Variants in SDC2 observed in about 807,000 individuals in gnomAD.
SDC2 encodes the protein syndecan 2.
SDC2 carries 13 observed loss-of-function variants against 22.2 expected under a neutral mutation model. The ratio of observed to expected loss-of-function variants is 0.59; its 90% CI spans 0.38 to 0.93. The LOEUF is 0.93. Ranked by LOEUF, SDC2 falls within the 40% of genes least tolerant of loss-of-function variation. The pLI is 0.00. For synonymous variants in SDC2, 94 were observed against 92.8 expected (o/e 1.01, Z -0.07); for missense variants, 235 against 246.8 (o/e 0.95, Z 0.32).
intron 1 of SDC2, chr8:96,580,450 C>G (rs934300720): frequency 1.0e-6 from 1 of 985,154 alleles, no homozygotes; most frequent in African/African-American, 1.7e-5. Flanking sequence ...TTGCTTGTTG[C>G]CACTGAGGGG....
At chr8:96,589,258 A>G (rs1269296781) in intron 1 of SDC2, among the ~76,000 whole-genome samples, 1 of 152,174 alleles carries the variant, frequency 6.6e-6, no homozygotes, top group Non-Finnish European at 1.5e-5. Flanking sequence ...TAGTGTCACC[A>G]GATCTCTTCT....
chr8:96,530,611 G>A (rs563308657), intron 1 of SDC2, among the ~76,000 whole-genome samples: 5 of 152,296 alleles, frequency 3.3e-5, no homozygotes, highest in African/African-American at 1.2e-4. Flanking sequence ...TCTGGCCTGG[G>A]AGACAGAGTA....
chr8:96,545,501 A>T (rs1003043085), intron 1 of SDC2, among the ~76,000 whole-genome samples: 25 of 152,288 alleles, frequency 1.6e-4, no homozygotes, highest in African/African-American at 5.5e-4. Context: ...GTTTAAGTGG[A>T]TGGAGAGGAG....
rs755574295 is a variant in SDC2 at position 96,593,520 on chromosome 8, A to G, written c.101A>G (p.Asn34Ser). ...LTSDKDMYLD[N>S]SSIEEASGVY... ...TCTGATAAAGACATGTACCTTGACA[A>G]CAGCTCCATTGAAGAAGCTTCAGGA... is the stretch of plus-strand genomic sequence containing the variant. Residue 34 changes from asparagine to serine, a missense_variant, in exon 2 of 5, where the codon AAC becomes AGC. Physicochemically the swap from Asn to Ser is conservative, Grantham distance 46 (BLOSUM62 1). Coordinates refer to ENST00000302190, the MANE Select transcript of SDC2 (RefSeq NM_002998.4). 2.5e-6 allele frequency: 4 copies of G among 1,614,082 alleles called. No homozygotes were observed. The highest frequency in any genetic ancestry group is 2.2e-5 in the South Asian group (2 of 91,088).
intron 1 of SDC2, among the ~76,000 whole-genome samples, chr8:96,532,630 C>T (rs983779435): frequency 6.6e-6 from 1 of 152,034 alleles, no homozygotes; most frequent in Admixed American, 6.5e-5. Context: ...GACAGCATGA[C>T]ACTTTTTCAG....
At chr8:96,600,755 G>T (rs1329335002) in intron 2 of SDC2, among the ~76,000 whole-genome samples, 1 of 152,222 alleles carries the variant, frequency 6.6e-6, no homozygotes, top group Admixed American at 6.5e-5. Context: ...AAGGTCACAG[G>T]AGGAGAAGAC....
At chr8:96,594,470 T>G (rs1311271300) in intron 2 of SDC2, among the ~76,000 whole-genome samples, 2 of 152,174 alleles carry the variant, frequency 1.3e-5, no homozygotes, top group Non-Finnish European at 1.5e-5. Flanking sequence ...CAGCCAGGCC[T>G]TAGAACTGGG....
chr8:96,519,259 G>A (rs1813456943), intron 1 of SDC2, among the ~76,000 whole-genome samples: 1 of 152,028 alleles, frequency 6.6e-6, no homozygotes, highest in South Asian at 2.1e-4. Context: ...TCATAAAGCT[G>A]ATTTACAGTT....
At chr8:96,536,842 G>A (rs1813762306) in intron 1 of SDC2, among the ~76,000 whole-genome samples, 1 of 152,178 alleles carries the variant, frequency 6.6e-6, no homozygotes, top group African/African-American at 2.4e-5. Context: ...TCCTTCTGTG[G>A]CAATTGGAGA....
chr8:96,588,160 C>T (rs1309191839), intron 1 of SDC2, among the ~76,000 whole-genome samples: 3 of 152,198 alleles, frequency 2.0e-5, no homozygotes, highest in Non-Finnish European at 2.9e-5. Context: ...TCAAGAGCTT[C>T]GGGCTCCAGT....
rs7842049 is a variant in SDC2 at position 96,562,804 on chromosome 8, G to A, written c.61-30676G>A. ...CCCCATTTCTGTTCCATATCTTAAG[G>A]CTGACCTCCATTCCAGATTTCCCAT... On this transcript the variant is annotated intron_variant, in intron 1 of 4. Transcript: ENST00000302190. Among the ~76,000 whole-genome samples, 498 of 152,230 alleles carry A rather than the reference G, an allele frequency of 3.3e-3. 2 individuals are homozygous for A. The highest frequency in any genetic ancestry group is 0.011 in the African/African-American group (442 of 41,534).
At chr8:96,572,193 T>C (rs1434297998) in intron 1 of SDC2, among the ~76,000 whole-genome samples, 1 of 152,210 alleles carries the variant, frequency 6.6e-6, no homozygotes, top group Non-Finnish European at 1.5e-5. Flanking sequence ...CAGGAGGTGC[T>C]GCAGAATGAA....
At chr8:96,585,324 TG>T (rs1404138792) in intron 1 of SDC2, among the ~76,000 whole-genome samples, 1 of 152,210 alleles carries the variant, frequency 6.6e-6, no homozygotes, top group Admixed American at 6.5e-5. Context: ...AGAGTTTGGG[TG>T]AAAAGGTTTA....
chr8:96,512,747 T>C (rs1299408339), intron 1 of SDC2, among the ~76,000 whole-genome samples: 1 of 152,194 alleles, frequency 6.6e-6, no homozygotes. Flanking sequence ...TTAATAAACA[T>C]AGGAGACTGT....
chr8:96,606,126 C>A (rs1319691104), intron 3 of SDC2, among the ~76,000 whole-genome samples: 2 of 152,118 alleles, frequency 1.3e-5, no homozygotes, highest in East Asian at 1.9e-4. Flanking sequence ...GGATTATTGT[C>A]TGCAGTATTT....
chr8:96,525,468 T>C (rs1425853188), intron 1 of SDC2, among the ~76,000 whole-genome samples: 1 of 152,142 alleles, frequency 6.6e-6, no homozygotes, highest in Non-Finnish European at 1.5e-5. Context: ...CTGCACCCCA[T>C]CCTGCCTGGG....
chr8:96,537,634 C>A (rs763680142), intron 1 of SDC2, among the ~76,000 whole-genome samples: 6 of 152,120 alleles, frequency 3.9e-5, no homozygotes, highest in Non-Finnish European at 8.8e-5. Context: ...AATAATTTTT[C>A]TTCTGTATGA....
intron 1 of SDC2, among the ~76,000 whole-genome samples, chr8:96,566,060 C>G (rs575373350): frequency 5.9e-5 from 9 of 152,056 alleles, no homozygotes; most frequent in African/African-American, 2.2e-4. Flanking sequence ...TTGGTGATGA[C>G]CACCATCTGG....
At chr8:96,505,291 C>G (rs189929062) in intron 1 of SDC2, among the ~76,000 whole-genome samples, 316 of 152,030 alleles carry the variant, frequency 2.1e-3, no homozygotes, top group African/African-American at 7.3e-3. Flanking sequence ...CATCGGAACC[C>G]TAATTATTTT....
Sources: allele counts gnomAD v4.1 joint callset (sites outside exome capture counted in the v4.1 genomes callset), GRCh38; gene constraint gnomAD v4.1.1; transcripts MANE v1.5; gene names NCBI Gene and HGNC (gene_info 2026-07-23, HGNC 2026-07-21).